The following ELF2 variants were observed in gnomAD, a reference collection of about 807,000 sequenced individuals.
ELF2 encodes the protein E74 like ETS transcription factor 2.
A neutral mutation model predicts 54.8 loss-of-function variants in ELF2; 11 were observed. The observed-to-expected ratio is 0.20, with a 90% confidence interval of 0.13 to 0.33. ELF2 has a LOEUF of 0.33. Ranked by LOEUF, ELF2 falls within the 10% of genes least tolerant of loss-of-function variation. The pLI, the probability that ELF2 is intolerant of heterozygous loss-of-function variation, is 1.00. For missense variants in ELF2, 513 were observed against 703.0 expected (o/e 0.73, Z 3.06); for synonymous variants, 203 against 245.1 (o/e 0.83, Z 1.61).
intron 1 of ELF2, among the ~76,000 whole-genome samples, chr4:139,145,627 T>C (rs934582726): frequency 1.3e-5 from 2 of 152,152 alleles, no homozygotes; most frequent in African/African-American, 2.4e-5. Flanking sequence ...TGAACATAGA[T>C]GTAAAAATCC....
intron 1 of ELF2, among the ~76,000 whole-genome samples, chr4:139,165,560 G>A (rs987392802): frequency 2.6e-5 from 4 of 152,156 alleles, no homozygotes; most frequent in African/African-American, 9.7e-5. Context: ...CTACCCGGGA[G>A]GCTGAGGCAG....
chr4:139,115,203 G>T (rs1735526407), intron 4 of ELF2: 9 of 1,611,566 alleles, frequency 5.6e-6, no homozygotes, highest in South Asian at 4.4e-5. Context: ...CATACTTGAC[G>T]GTGACCTTCC....
chr4:139,126,638 A>G (rs1207326242), intron 3 of ELF2, among the ~76,000 whole-genome samples: 1 of 152,216 alleles, frequency 6.6e-6, no homozygotes, highest in Admixed American at 6.5e-5. Context: ...CAACAGTCAT[A>G]CTAGAAGGAA....
chr4:139,117,523 G>A lies in ELF2; in HGVS notation c.238+7641C>T, dbSNP rs371593527. Reference sequence around the variant, plus strand: ...AGCCTGTACAACAAGGAGAAACCCCGTCTCTATCAAAAACACAAAAATTAG... The same window carrying A: ...AGCCTGTACAACAAGGAGAAACCCCATCTCTATCAAAAACACAAAAATTAG... On this transcript the variant is annotated intron_variant, in intron 4 of 9. Coordinates refer to ENST00000686138, the MANE Select transcript of ELF2 (RefSeq NM_001331036.3). 4.0e-5 allele frequency among the ~76,000 whole-genome samples: 6 copies of A among 151,660 alleles called. No homozygotes were observed. The South Asian group carries it at 6.2e-4, about 16-fold the overall frequency.
intron 1 of ELF2, among the ~76,000 whole-genome samples, chr4:139,164,424 T>G (rs1412957538): frequency 6.6e-6 from 1 of 152,060 alleles, no homozygotes; most frequent in Non-Finnish European, 1.5e-5. Flanking sequence ...TCACCTGAGG[T>G]CAGGAGTTCG....
At chr4:139,137,025 T>C (rs1398955159) in intron 3 of ELF2, 1 of 150,394 alleles carries the variant, frequency 6.6e-6, no homozygotes, top group East Asian at 1.9e-4. Context: ...GCCCCGGTAT[T>C]TCTACTACTG....
intron 4 of ELF2, among the ~76,000 whole-genome samples, chr4:139,103,764 C>G (rs1212006777): frequency 6.6e-6 from 1 of 152,188 alleles, no homozygotes; most frequent in Admixed American, 6.5e-5. Context: ...AACTGACTGA[C>G]TAGTTTATTG....
chr4:139,090,665 G>A (rs1020831277), intron 4 of ELF2, among the ~76,000 whole-genome samples: 3 of 152,052 alleles, frequency 2.0e-5, no homozygotes, highest in African/African-American at 4.8e-5. Context: ...TATCATCTTG[G>A]CTCAATGCAA....
At chr4:139,073,087 T>C (rs1729748967) in intron 5 of ELF2, among the ~76,000 whole-genome samples, 1 of 152,312 alleles carries the variant, frequency 6.6e-6, no homozygotes, top group Non-Finnish European at 1.5e-5. Context: ...TACTGCCTAT[T>C]TATCATTGAA....
At chr4:139,176,682 C>A (rs989678050) in intron 1 of ELF2, among the ~76,000 whole-genome samples, 1 of 152,160 alleles carries the variant, frequency 6.6e-6, no homozygotes, top group African/African-American at 2.4e-5. Context: ...TTCCCTCAGC[C>A]CTGCCCCGCG....
Position 139,071,672 on chromosome 4 carries a change from T to G in ELF2, c.526+194A>C, listed in dbSNP as rs141481946. ...GCAATTATCCTCAAGCCTTACATAC[T>G]AACTCCTTTAAACAGTATGAGTACG... On this transcript the variant is annotated intron_variant, in intron 6 of 9. Transcript: ENST00000686138. 2.6e-3 allele frequency among the ~76,000 whole-genome samples: 394 copies of G among 152,298 alleles called. 5 individuals are homozygous for G. Among genetic ancestry groups the G allele is most frequent in the African/African-American group, 9.1e-3 (378 of 41,574 alleles).
intron 4 of ELF2, among the ~76,000 whole-genome samples, chr4:139,106,755 T>C (rs1234987851): frequency 6.7e-6 from 1 of 149,454 alleles, no homozygotes; most frequent in East Asian, 1.9e-4. Flanking sequence ...TTTTTTTTTT[T>C]TTTTTGAGAT....
At chr4:139,104,508 C>CAAAAAAAAAAAAAAAAAAAAA (rs34642901) in intron 4 of ELF2, among the ~76,000 whole-genome samples, 2 of 76,862 alleles carry the variant, frequency 2.6e-5, no homozygotes, top group Non-Finnish European at 5.1e-5. Flanking sequence ...GACTCTGTCT[C>CAAAAAAAAAAAAAAAAAAAAA]AAAAAAAAAA....
intron 4 of ELF2, among the ~76,000 whole-genome samples, chr4:139,106,736 A>G (rs1374442096): frequency 3.2e-5 from 4 of 126,328 alleles, no homozygotes; most frequent in African/African-American, 1.2e-4. Flanking sequence ...TGATAACTAT[A>G]TTTCTTTTTT....
At chr4:139,060,913 G>C in intron 8 of ELF2, among the ~76,000 whole-genome samples, 1 of 152,176 alleles carries the variant, frequency 6.6e-6, no homozygotes. Flanking sequence ...TAAACTGGCT[G>C]AAAGTTCATT....
intron 4 of ELF2, among the ~76,000 whole-genome samples, chr4:139,092,128 G>A (rs1029656443): frequency 5.3e-5 from 8 of 151,726 alleles, no homozygotes; most frequent in Middle Eastern, 3.4e-3. Context: ...TTGGGAGGGC[G>A]AGGCGGTTGG....
chr4:139,125,477 TG>T, intron 3 of ELF2, 148 bp from the exon 4 acceptor site: 2 of 824,744 alleles, frequency 2.4e-6, no homozygotes, highest in South Asian at 4.7e-5. Context: ...AAACAAGAGA[TG>T]AAAAGGGCTA....
Position 139,137,859 on chromosome 4 carries a change from C to T in ELF2, c.-158G>A. On this transcript the variant is annotated 5_prime_UTR_variant, in exon 3 of 10. It introduces an in-frame stop codon into an upstream open reading frame of the 5' UTR. Transcript: ENST00000686138. Reference sequence around the variant, plus strand: ...AATCCAGTCTTCTAAAGATGATTAACCAGAAAGCCTAAAAAGAGGAAGAAT... The same window carrying T: ...AATCCAGTCTTCTAAAGATGATTAATCAGAAAGCCTAAAAAGAGGAAGAAT... 11 of 1,309,810 alleles carry T rather than the reference C, an allele frequency of 8.4e-6. No individual in the cohort carries two copies. Among genetic ancestry groups the T allele is most frequent in the Non-Finnish European group, 1.1e-5 (11 of 1,029,390 alleles). 81.1% of individuals were successfully genotyped at this position (1,309,810 alleles called of 1,614,324 possible). A position where few individuals can be genotyped will look rare whatever the true frequency, so the allele number is the denominator to read the frequency against.
At chr4:139,125,114 C>A in intron 4 of ELF2, 50 bp downstream of exon 4, 1 of 1,570,056 alleles carries the variant, frequency 6.4e-7, no homozygotes, top group South Asian at 1.2e-5. Flanking sequence ...ATTGTTGAAG[C>A]TTACAAAATG....
Sources: gnomAD v4.1 joint callset for allele counts (sites outside exome capture counted in the v4.1 genomes callset) on GRCh38, gnomAD v4.1.1 for gene constraint, MANE v1.5 for transcripts, NCBI Gene and HGNC (gene_info 2026-07-23, HGNC 2026-07-21) for gene names.